Variants in IQGAP2 observed in about 807,000 individuals in gnomAD.
IQGAP2 encodes IQ motif containing GTPase activating protein 2.
Under a neutral mutation model 201.3 loss-of-function variants are expected in IQGAP2, and 173 were observed. That is an observed-to-expected ratio of 0.86 (90% CI 0.76 to 0.98). The LOEUF is 0.98. Among genes scored for constraint, IQGAP2 ranks in the 50% least tolerant of loss-of-function variants. IQGAP2 has a pLI of 0.00. For missense variants in IQGAP2, 1,687 were observed against 1,864.8 expected, an observed-to-expected ratio of 0.90 and a Z score of 1.76; for synonymous variants, 675 against 673.9, an observed-to-expected ratio of 1.00 and a Z score of -0.03.
intron 23 of IQGAP2, 87 bp downstream of exon 23, chr5:76,668,931 T>A: frequency 1.3e-6 from 1 of 761,766 alleles, no homozygotes; most frequent in Non-Finnish European, 2.0e-6. Context: ...AAATTATTTT[T>A]AAATTCTTAT....
At chr5:76,693,760 C>T (rs1561601227) in intron 31 of IQGAP2, 3 of 199,730 alleles carry the variant, frequency 1.5e-5, no homozygotes, top group African/African-American at 7.0e-5. Context: ...AGAGTTCTAG[C>T]TGACAGGATA....
intron 2 of IQGAP2, among the ~76,000 whole-genome samples, chr5:76,504,848 C>T (rs1757512614): frequency 6.6e-6 from 1 of 152,168 alleles, no homozygotes; most frequent in Non-Finnish European, 1.5e-5. Flanking sequence ...TCTTAAATCT[C>T]TGTCCTTAGG....
At chr5:76,533,488 C>T (rs922806791) in intron 2 of IQGAP2, among the ~76,000 whole-genome samples, 4 of 151,788 alleles carry the variant, frequency 2.6e-5, no homozygotes, top group Admixed American at 6.5e-5. Context: ...TTTAATTTTT[C>T]TTTCCATGAA....
intron 2 of IQGAP2, among the ~76,000 whole-genome samples, chr5:76,520,629 ATC>A (rs1758612724): frequency 6.6e-6 from 1 of 151,532 alleles, no homozygotes; most frequent in Admixed American, 6.6e-5. Context: ...ATTGCATTAA[ATC>A]TATAGATCAC....
chr5:76,680,326 A>C (rs922019181), intron 28 of IQGAP2, among the ~76,000 whole-genome samples: 1 of 152,198 alleles, frequency 6.6e-6, no homozygotes, highest in Non-Finnish European at 1.5e-5. Flanking sequence ...TCTATACAAA[A>C]AGTGAACTCA....
chr5:76,653,260 G>A (rs545463677), intron 18 of IQGAP2, among the ~76,000 whole-genome samples: 10 of 152,138 alleles, frequency 6.6e-5, no homozygotes, highest in Non-Finnish European at 1.2e-4. Flanking sequence ...CTATATTTGG[G>A]AGCTGAATTA....
At chr5:76,588,808 G>C (rs896008266) in intron 5 of IQGAP2, 98 bp from the exon 6 acceptor site, 1 of 596,606 alleles carries the variant, frequency 1.7e-6, no homozygotes. Flanking sequence ...TATCTCTTAG[G>C]TCTTTTCAAC....
chr5:76,495,246 C>G (rs766183194), intron 2 of IQGAP2, among the ~76,000 whole-genome samples: 1 of 152,146 alleles, frequency 6.6e-6, no homozygotes, highest in Non-Finnish European at 1.5e-5. Context: ...TCAGAGGCAC[C>G]AGCCTAGAGC....
chr5:76,427,353 T>C (rs1346405767), intron 1 of IQGAP2, among the ~76,000 whole-genome samples: 1 of 152,180 alleles, frequency 6.6e-6, no homozygotes, highest in Non-Finnish European at 1.5e-5. Context: ...GACCAATTAG[T>C]GTTGTGACGG....
intron 1 of IQGAP2, among the ~76,000 whole-genome samples, chr5:76,432,896 T>G (rs1019320845): frequency 1.3e-5 from 2 of 152,230 alleles, no homozygotes; most frequent in African/African-American, 4.8e-5. Flanking sequence ...TGGGGCCCCT[T>G]GCCCTGTGGC....
chr5:76,589,620 G>A lies in IQGAP2; in HGVS notation c.532G>A (p.Glu178Lys). ...ATTATTTTGTTCTTTGTTAGAGGAG[G>A]AAATCAGTAATATGAGAAAAGAACT... ...LLGKVDFTEE[E>K]ISNMRKELEK... Residue 178 changes from glutamate to lysine, a missense_variant, in exon 7 of 36, where the codon GAA (glutamate) becomes AAA (lysine). Coordinates refer to ENST00000274364, the MANE Select transcript of IQGAP2 (RefSeq NM_006633.5). 1 of 1,565,124 alleles carries A rather than the reference G, an allele frequency of 6.4e-7. No homozygotes were observed. The highest frequency in any genetic ancestry group is 1.7e-5 in the Admixed American group (1 of 57,360).
chr5:76,506,670 C>G (rs1166628656), intron 2 of IQGAP2, among the ~76,000 whole-genome samples: 6 of 152,124 alleles, frequency 3.9e-5, no homozygotes, highest in Non-Finnish European at 7.3e-5. Flanking sequence ...GTGATTATAG[C>G]AAGATTGCAA....
chr5:76,543,207 A>G (rs1275729590), intron 2 of IQGAP2, among the ~76,000 whole-genome samples: 1 of 152,128 alleles, frequency 6.6e-6, no homozygotes, highest in Non-Finnish European at 1.5e-5. Context: ...AGCTGGCTGT[A>G]CTGCTGCTCA....
At chr5:76,475,209 G>A (rs138107836) in intron 2 of IQGAP2, among the ~76,000 whole-genome samples, 1 of 152,326 alleles carries the variant, frequency 6.6e-6, no homozygotes, top group East Asian at 1.9e-4. Context: ...GAGGTGAGGA[G>A]GGTGGAGGCA....
At chr5:76,427,237 C>T (rs1752062069) in intron 1 of IQGAP2, among the ~76,000 whole-genome samples, 1 of 152,162 alleles carries the variant, frequency 6.6e-6, no homozygotes, top group South Asian at 2.1e-4. Context: ...TTAAGAATCA[C>T]TGTTATAAAT....
At chr5:76,651,029 TC>T (rs1752478442) in intron 17 of IQGAP2, among the ~76,000 whole-genome samples, 1 of 152,172 alleles carries the variant, frequency 6.6e-6, no homozygotes, top group Non-Finnish European at 1.5e-5. Flanking sequence ...CTAAATTCCC[TC>T]CCCAAAACTA....
chr5:76,506,120 A>G (rs960651169), intron 2 of IQGAP2, among the ~76,000 whole-genome samples: 3 of 152,238 alleles, frequency 2.0e-5, no homozygotes, highest in South Asian at 4.1e-4. Flanking sequence ...GGAAGTATCC[A>G]TAGTTTTCTG....
intron 7 of IQGAP2, among the ~76,000 whole-genome samples, 169 bp downstream of exon 7, chr5:76,589,897 A>C (rs1746526191): frequency 6.6e-6 from 1 of 152,240 alleles, no homozygotes; most frequent in South Asian, 2.1e-4. Context: ...AATATAACCA[A>C]GTAATTGATT....
intron 18 of IQGAP2, 27 bp from the exon 19 acceptor site, chr5:76,654,173 A>G (rs369740915): frequency 1.3e-4 from 192 of 1,506,358 alleles, no homozygotes; most frequent in Non-Finnish European, 1.7e-4. Flanking sequence ...TTTTTGTTGT[A>G]CTTTTCTATT....
Sources: gnomAD v4.1 joint callset for allele counts (sites outside exome capture counted in the v4.1 genomes callset) on GRCh38, gnomAD v4.1.1 for gene constraint, MANE v1.5 for transcripts, NCBI Gene and HGNC (gene_info 2026-07-23, HGNC 2026-07-21) for gene names.